The following WDR53 variants were observed in gnomAD, a reference collection of about 807,000 sequenced individuals.
WDR53 encodes the protein WD repeat domain 53.
In WDR53, 19 loss-of-function variants were observed where a neutral mutation model predicts 21.3. That is an observed-to-expected ratio of 0.89 (90% CI 0.62 to 1.31). The LOEUF is 1.31. Among genes scored for constraint, WDR53 ranks in the 50% most tolerant of loss-of-function variants. The pLI, the probability that WDR53 is intolerant of heterozygous loss-of-function variation, is 0.00. For synonymous variants in WDR53, 157 were observed against 163.4 expected (o/e 0.96, Z 0.30); for missense variants, 374 against 423.2 (o/e 0.88, Z 1.02).
chr3:196,564,495 A>G (rs142404940), intron 2 of WDR53, among the ~76,000 whole-genome samples: 2,450 of 147,888 alleles, frequency 0.017, 40 homozygotes, highest in Non-Finnish European at 0.027. Flanking sequence ...GAGTAGCTGG[A>G]ACTACAGGCT....
Position 196,561,472 on chromosome 3 carries a change from C to A in WDR53, c.4G>T (p.Ala2Ser). 6.2e-7 allele frequency: 1 copy of A among 1,610,824 alleles called. No individual in the cohort carries two copies. Among genetic ancestry groups the A allele is most frequent in the Non-Finnish European group, 8.5e-7 (1 of 1,178,556 alleles). M[A>S]VKWTGGHSSP... ...GAATGCCCACCCGTCCACTTGACTGCCATAATGGTCCCGGAGACTCTGTGA... is the reference window on the plus strand; with the variant it reads ...GAATGCCCACCCGTCCACTTGACTGACATAATGGTCCCGGAGACTCTGTGA... Residue 2 changes from alanine (A) to serine (S), a missense_variant, in exon 3 of 4, where the codon GCA becomes TCA. Ala to Ser is a moderately conservative substitution (Grantham distance 99). Coordinates refer to ENST00000332629, the MANE Select transcript of WDR53 (RefSeq NM_182627.3).
intron 3 of WDR53, among the ~76,000 whole-genome samples, chr3:196,559,980 G>A (rs964791513): frequency 6.6e-6 from 1 of 152,108 alleles, no homozygotes; most frequent in Middle Eastern, 3.2e-3. Context: ...AAATCATGAC[G>A]ACTCACTCCA....
intron 2 of WDR53, among the ~76,000 whole-genome samples, chr3:196,562,797 G>C (rs549875272): frequency 2.0e-5 from 3 of 152,228 alleles, no homozygotes; most frequent in East Asian, 3.9e-4. Context: ...ATTTTCCCAA[G>C]GTCACTTGAC....
In WDR53 at chr3:196,561,212, G is replaced by A. The variant is rs1411974795; in HGVS notation, c.264C>T (p.Asp88=). 6.8e-6 allele frequency: 11 copies of A among 1,614,068 alleles called. No individual in the cohort carries two copies. In the East Asian group the frequency reaches 2.4e-4, roughly 36 times the overall value. The change falls in exon 3 of 4, where the codon GAC becomes GAT. Residue 88 remains aspartate (D), a synonymous_variant. Transcript: ENST00000332629. ...LDVRSLKDSL[D]HFHVNEEEIN... ...TTTCTTCTTCATTCACATGAAAATGGTCCAAGGAATCTTTGAGGGACCTGA... is the reference window on the plus strand; with the variant it reads ...TTTCTTCTTCATTCACATGAAAATGATCCAAGGAATCTTTGAGGGACCTGA...
At position 196,566,382 on chromosome 3, in the gene WDR53, C is replaced by T. The variant is rs375752627; in HGVS notation, c.-17+495G>A. 2.2e-3 allele frequency among the ~76,000 whole-genome samples: 341 copies of T among 152,056 alleles called. 2 individuals carry two copies. The highest frequency in any genetic ancestry group is 8.0e-3 in the African/African-American group (331 of 41,480). On this transcript the variant is annotated intron_variant, in intron 2 of 3. Transcript: ENST00000332629. ...GGATTACAGGCATGAGCCACTGTGC[C>T]CTGCCAGGTGAGTTATTTTGAGAGC...
chr3:196,559,433 A>G (rs1053021786), intron 3 of WDR53, among the ~76,000 whole-genome samples: 6 of 152,176 alleles, frequency 3.9e-5, no homozygotes, highest in African/African-American at 1.4e-4. Context: ...CCAGCACTGC[A>G]GGACACCCAC....
chr3:196,558,461 C>T (rs577939437), intron 3 of WDR53, among the ~76,000 whole-genome samples: 3 of 152,330 alleles, frequency 2.0e-5, no homozygotes, highest in African/African-American at 7.2e-5. Context: ...CCTGCCTTGG[C>T]CTCCCAAAGT....
In WDR53 at chr3:196,561,014, T is replaced by C. The variant is rs773508324; in HGVS notation, c.462A>G (p.Ser154=). 1 of 1,613,638 alleles carries C rather than the reference T, an allele frequency of 6.2e-7. No homozygotes were observed. Among genetic ancestry groups the C allele is most frequent in the Admixed American group, 1.7e-5 (1 of 59,908 alleles). ...GCATCACCTGCATATCCAGTCCACATGACACCAGGCTCTGAGGCCTCTGAG... is the reference window on the plus strand; with the variant it reads ...GCATCACCTGCATATCCAGTCCACACGACACCAGGCTCTGAGGCCTCTGAG... ...FRPQRPQSLV[S]CGLDMQVMLW... is the part of the protein sequence containing the mutation. Residue 154 remains serine (S), a synonymous_variant, in exon 3 of 4, where the codon TCA becomes TCG. Transcript: ENST00000332629.
intron 3 of WDR53, among the ~76,000 whole-genome samples, chr3:196,560,031 A>C (rs1734675775): frequency 6.6e-6 from 1 of 152,212 alleles, no homozygotes. Flanking sequence ...ACATCCTGCC[A>C]TGGGAACGTT....
At chr3:196,555,160 T>C (rs988430161) in intron 3 of WDR53, among the ~76,000 whole-genome samples, 2 of 152,358 alleles carry the variant, frequency 1.3e-5, no homozygotes, top group African/African-American at 4.8e-5. Context: ...TTTTAGTCTA[T>C]GCTGGTTATA....
chr3:196,561,601 T>A, intron 2 of WDR53, 110 bp from the exon 3 acceptor site: 1 of 1,145,838 alleles, frequency 8.7e-7, no homozygotes, highest in Non-Finnish European at 1.2e-6. Context: ...TAAAAATACA[T>A]CTTAAAAAAA....
intron 3 of WDR53, 101 bp downstream of exon 3, chr3:196,560,895 A>G: frequency 6.9e-7 from 1 of 1,444,644 alleles, no homozygotes; most frequent in South Asian, 1.4e-5. Flanking sequence ...ATATGTTAGT[A>G]GAAAACAGAA....
Position 196,554,441 on chromosome 3 carries a change from T to C in WDR53, c.847A>G (p.Lys283Glu). Residue 283 changes from lysine to glutamate, a missense_variant, in exon 4 of 4, where the codon AAA becomes GAA. Physicochemically the swap from Lys to Glu is moderately conservative, Grantham distance 56. Coordinates refer to ENST00000332629, the MANE Select transcript of WDR53 (RefSeq NM_182627.3). Reference sequence around the variant, plus strand: ...TTAGGTTTCTTCCTGTGGGTACGTTTTGTGGGACTCTTCTGTTTTTTCTCA... The same window carrying C: ...TTAGGTTTCTTCCTGTGGGTACGTTCTGTGGGACTCTTCTGTTTTTTCTCA... ...EVEKKQKSPT[K>E]RTHRKKPKRG... 1 of 1,614,204 alleles carries C rather than the reference T, an allele frequency of 6.2e-7. No homozygotes were observed. The highest frequency in any genetic ancestry group is 8.5e-7 in the Non-Finnish European group (1 of 1,180,034).
rs1228509758 is a variant in WDR53, at chr3:196,567,227, A to C, written c.-367T>G. 1 of 457,136 alleles carries C rather than the reference A, an allele frequency of 2.2e-6. No homozygotes were observed. Among genetic ancestry groups the C allele is most frequent in the Admixed American group, 2.3e-5 (1 of 42,578 alleles). 28.3% of individuals were successfully genotyped at this position (457,136 alleles called of 1,614,324 possible). A position where few individuals can be genotyped will look rare whatever the true frequency, so the allele number is the denominator to read the frequency against. ...TCAGCACAGGTCAACTTTTCTCTACAGGCTTGGGGTTTCTGAAGTTGGACT... is the reference window on the plus strand; with the variant it reads ...TCAGCACAGGTCAACTTTTCTCTACCGGCTTGGGGTTTCTGAAGTTGGACT... On this transcript the variant is annotated 5_prime_UTR_variant, in exon 2 of 4. Coordinates refer to ENST00000332629, the MANE Select transcript of WDR53 (RefSeq NM_182627.3).
At position 196,566,953 on chromosome 3, in the gene WDR53, G is replaced by A. The variant is rs1735462723; in HGVS notation, c.-93C>T. Reference sequence around the variant, plus strand: ...CTCAGCGGCTGGACTAGATTAGTAAGAATGACAACATCGCATCCTTCAAAG... The same window carrying A: ...CTCAGCGGCTGGACTAGATTAGTAAAAATGACAACATCGCATCCTTCAAAG... On this transcript the variant is annotated 5_prime_UTR_variant, in exon 2 of 4. Coordinates refer to ENST00000332629, the MANE Select transcript of WDR53 (RefSeq NM_182627.3). The A allele has an allele frequency of 1.6e-5, 4 of 255,936 alleles. No individual in the cohort carries two copies. Among genetic ancestry groups the A allele is most frequent in the South Asian group, 7.4e-5 (2 of 26,938 alleles). The allele number at this position is 255,936 out of a possible 1,614,324, so 15.9% of individuals were successfully genotyped here.
Position 196,554,702 on chromosome 3 carries a change from T to G in WDR53, c.586A>C (p.Asn196His). Residue 196 changes from asparagine to histidine, a missense_variant, in exon 4 of 4, where the codon AAC becomes CAC. Physicochemically the swap from Asn to His is moderately conservative, Grantham distance 68. Transcript: ENST00000332629. ...EGPQSPGQLL[N>H]PALAHSISVA... ...GAGATAGAATGGGCTAGGGCAGGGTTTAAGAGCTGACCAGGTGACTGTGGG... is the reference window on the plus strand; with the variant it reads ...GAGATAGAATGGGCTAGGGCAGGGTGTAAGAGCTGACCAGGTGACTGTGGG... The G allele has an allele frequency of 6.2e-7, 1 of 1,614,166 alleles. No homozygotes were observed.
At chr3:196,555,404 C>T (rs1734233891) in intron 3 of WDR53, among the ~76,000 whole-genome samples, 1 of 152,198 alleles carries the variant, frequency 6.6e-6, no homozygotes, top group African/African-American at 2.4e-5. Context: ...TTGAGACTTA[C>T]TTAGTCTTTG....
intron 3 of WDR53, among the ~76,000 whole-genome samples, chr3:196,558,069 G>A (rs759340609): frequency 7.2e-5 from 11 of 151,888 alleles, no homozygotes; most frequent in Admixed American, 1.3e-4. Flanking sequence ...GAGCCACTGC[G>A]CCTGGCCTAA....
At chr3:196,566,455 C>G (rs1294993631) in intron 2 of WDR53, among the ~76,000 whole-genome samples, 2 of 151,200 alleles carry the variant, frequency 1.3e-5, no homozygotes, top group African/African-American at 4.9e-5. Flanking sequence ...CTCTCGTCGC[C>G]CAGGCTGGAG....
Sources: gnomAD v4.1 joint callset for allele counts (sites outside exome capture counted in the v4.1 genomes callset) on GRCh38, gnomAD v4.1.1 for gene constraint, MANE v1.5 for transcripts, NCBI Gene and HGNC (gene_info 2026-07-23, HGNC 2026-07-21) for gene names.